EPHX4: variants seen among roughly 807,000 people sequenced by gnomAD.
EPHX4 encodes abhydrolase domain containing 7.
EPHX4 carries 31 observed loss-of-function variants against 44.9 expected under a neutral mutation model. The ratio of observed to expected loss-of-function variants is 0.69; its 90% CI spans 0.52 to 0.93. The LOEUF (loss-of-function observed/expected upper bound fraction) is 0.93, where lower values mean the gene tolerates loss of function less well. EPHX4 is among the 40% of genes least tolerant of loss of function. The pLI is 0.00. For missense variants in EPHX4, 373 were observed against 438.1 expected (o/e 0.85, Z 1.33); for synonymous variants, 151 against 159.7 (o/e 0.95, Z 0.41).
chr1:92,037,343 A>G (rs917179761), intron 2 of EPHX4, among the ~76,000 whole-genome samples: 1 of 152,212 alleles, frequency 6.6e-6, no homozygotes, highest in Non-Finnish European at 1.5e-5. Context: ...TTTCATGTAT[A>G]CAATTAGCTG....
chr1:92,057,201 A>G (rs1647386874), intron 6 of EPHX4, among the ~76,000 whole-genome samples: 1 of 152,070 alleles, frequency 6.6e-6, no homozygotes, highest in Non-Finnish European at 1.5e-5. Flanking sequence ...GCAAAAATTA[A>G]TACAATAAAA....
chr1:92,040,176 A>ATTT (rs10646888), intron 2 of EPHX4, among the ~76,000 whole-genome samples: 24,177 of 111,960 alleles, frequency 0.22, 3,326 homozygotes, highest in Middle Eastern at 0.28. Context: ...TGTTACAATG[A>ATTT]TTTTTTTTTT....
intron 4 of EPHX4, among the ~76,000 whole-genome samples, chr1:92,046,992 A>C (rs996090443): frequency 6.6e-6 from 1 of 152,110 alleles, no homozygotes; most frequent in African/African-American, 2.4e-5. Context: ...CTTTGACATC[A>C]CCCTAATCTC....
intron 6 of EPHX4, among the ~76,000 whole-genome samples, chr1:92,055,621 A>G (rs953389948): frequency 1.3e-5 from 2 of 152,198 alleles, no homozygotes; most frequent in African/African-American, 4.8e-5. Context: ...ATATAGCAAC[A>G]ATGTCTGAAA....
Position 92,052,509 on chromosome 1 carries a change from G to A in EPHX4, c.709-1G>A. The A allele has an allele frequency of 6.3e-7, 1 of 1,592,252 alleles. No individual in the cohort carries two copies. Among genetic ancestry groups the A allele is most frequent in the South Asian group, 1.2e-5 (1 of 85,604 alleles). Reference sequence around the variant, plus strand: ...AATTATTGTTTTCTCACTTAAATTAGGTTTTGAAACATCTGTTTACCAGTC... The same window carrying A: ...AATTATTGTTTTCTCACTTAAATTAAGTTTTGAAACATCTGTTTACCAGTC... On this transcript the variant is annotated splice_acceptor_variant, in intron 5 of 6. Coordinates refer to ENST00000370383, the MANE Select transcript of EPHX4 (RefSeq NM_173567.5). LOFTEE classifies it high-confidence loss of function.
chr1:92,030,483 T>TGTGTGTGTGTGTGTGTGTGTGTGTGTGA lies in EPHX4; in HGVS notation c.231+176_231+177insTGTGTGTGTGTGTGTGTGTGTGTGAGTG, dbSNP rs745435867. Among the ~76,000 whole-genome samples, 175 of 138,680 alleles carry TGTGTGTGTGTGTGTGTGTGTGTGTGTGA rather than the reference T, an allele frequency of 1.3e-3. 4 individuals are homozygous for TGTGTGTGTGTGTGTGTGTGTGTGTGTGA. Among genetic ancestry groups the TGTGTGTGTGTGTGTGTGTGTGTGTGTGA allele is most frequent in the Admixed American group, 3.0e-3 (42 of 13,976 alleles). 91.0% of individuals were successfully genotyped at this position (138,680 alleles called of 152,430 possible). A position where few individuals can be genotyped will look rare whatever the true frequency, so the allele number is the denominator to read the frequency against. Reference sequence around the variant, plus strand: ...GTGTGTGTGTGTGTGTGTGTGTGTGTGTGAGAGAGAGAGAGAGAGAGAGAG... The same window carrying TGTGTGTGTGTGTGTGTGTGTGTGTGTGA: ...GTGTGTGTGTGTGTGTGTGTGTGTGTGTGTGTGTGTGTGTGTGTGTGTGTGTGAGTGAGAGAGAGAGAGAGAGAGAGAG... On this transcript the variant is annotated intron_variant, in intron 1 of 6. Coordinates refer to ENST00000370383, the MANE Select transcript of EPHX4 (RefSeq NM_173567.5).
In EPHX4 at chr1:92,059,536, G is replaced by A. The variant is rs116795701; in HGVS notation, c.858-3519G>A. 3.1e-3 allele frequency among the ~76,000 whole-genome samples: 471 copies of A among 152,260 alleles called. 3 individuals are homozygous for A. The highest frequency in any genetic ancestry group is 0.011 in the African/African-American group (456 of 41,534). On this transcript the variant is annotated intron_variant, in intron 6 of 6. Coordinates refer to ENST00000370383, the MANE Select transcript of EPHX4 (RefSeq NM_173567.5). Reference sequence around the variant, plus strand: ...TAAGGGAAAAAAAGTGAGAATTGGGGAAGGAAGAAATAATAATTCATAGAT... The same window carrying A: ...TAAGGGAAAAAAAGTGAGAATTGGGAAAGGAAGAAATAATAATTCATAGAT...
intron 2 of EPHX4, among the ~76,000 whole-genome samples, chr1:92,038,773 C>T (rs1156797694): frequency 6.6e-6 from 1 of 152,032 alleles, no homozygotes; most frequent in African/African-American, 2.4e-5. Context: ...ACAAAGGAAA[C>T]CATATGAAGA....
At chr1:92,052,134 A>G (rs1253474656) in intron 5 of EPHX4, among the ~76,000 whole-genome samples, 2 of 152,132 alleles carry the variant, frequency 1.3e-5, no homozygotes, top group Non-Finnish European at 2.9e-5. Flanking sequence ...TAATCCCTTT[A>G]GTCAGTGATA....
At chr1:92,062,413 A>G (rs1301251995) in intron 6 of EPHX4, among the ~76,000 whole-genome samples, 1 of 151,806 alleles carries the variant, frequency 6.6e-6, no homozygotes, top group East Asian at 1.9e-4. Context: ...GTGAAACCGC[A>G]TCTCTACTAA....
chr1:92,058,429 G>A (rs376133741), intron 6 of EPHX4, among the ~76,000 whole-genome samples: 5 of 144,054 alleles, frequency 3.5e-5, no homozygotes, highest in Non-Finnish European at 1.5e-5. Flanking sequence ...GAACAAGAGC[G>A]AAACCCCGTC....
chr1:92,031,606 C>G (rs1688360917), intron 1 of EPHX4, among the ~76,000 whole-genome samples: 1 of 152,176 alleles, frequency 6.6e-6, no homozygotes, highest in Non-Finnish European at 1.5e-5. Context: ...TCTTCTGAAT[C>G]TGCAAAATGA....
chr1:92,045,439 G>A, intron 3 of EPHX4, 93 bp from the exon 4 acceptor site: 1 of 1,454,262 alleles, frequency 6.9e-7, no homozygotes, highest in Non-Finnish European at 9.4e-7. Context: ...ATAATGAAAA[G>A]AGGTACTTCA....
intron 2 of EPHX4, among the ~76,000 whole-genome samples, chr1:92,040,659 C>T (rs1216959566): frequency 1.3e-5 from 2 of 151,888 alleles, no homozygotes; most frequent in Middle Eastern, 3.2e-3. Context: ...CAGGGTTTCA[C>T]CATGTTGCCT....
At position 92,063,519 on chromosome 1, in the gene EPHX4, T is replaced by C. The variant is rs529474434; in HGVS notation, c.*233T>C. ...AGACAAGCATCTGCCTTAAAATATATACACTTGTACAAAAAGGAAGTTTGG... is the reference window on the plus strand; with the variant it reads ...AGACAAGCATCTGCCTTAAAATATACACACTTGTACAAAAAGGAAGTTTGG... On this transcript the variant is annotated 3_prime_UTR_variant, in exon 7 of 7. Coordinates refer to ENST00000370383, the MANE Select transcript of EPHX4 (RefSeq NM_173567.5). 24 of 302,018 alleles carry C rather than the reference T, an allele frequency of 7.9e-5. No individual in the cohort carries two copies. In the East Asian group the frequency reaches 1.4e-3, roughly 17 times the overall value. 18.7% of individuals were successfully genotyped at this position (302,018 alleles called of 1,614,324 possible).
intron 5 of EPHX4, among the ~76,000 whole-genome samples, chr1:92,051,059 C>T (rs1647239787): frequency 6.6e-6 from 1 of 152,122 alleles, no homozygotes; most frequent in Non-Finnish European, 1.5e-5. Flanking sequence ...TCTGAAACTC[C>T]TGGCCTCAAG....
chr1:92,039,911 T>G (rs1688486794), intron 2 of EPHX4, among the ~76,000 whole-genome samples: 1 of 152,138 alleles, frequency 6.6e-6, no homozygotes, highest in Admixed American at 6.5e-5. Flanking sequence ...ACTTTGGCCT[T>G]CCAAAGTGCT....
At chr1:92,055,094 T>A (rs895994643) in intron 6 of EPHX4, among the ~76,000 whole-genome samples, 1 of 151,938 alleles carries the variant, frequency 6.6e-6, no homozygotes, top group Admixed American at 6.6e-5. Context: ...AAACTGTCAA[T>A]AAAAAAATTT....
At chr1:92,035,611 T>A (rs1688426480) in intron 2 of EPHX4, among the ~76,000 whole-genome samples, 1 of 152,184 alleles carries the variant, frequency 6.6e-6, no homozygotes, top group African/African-American at 2.4e-5. Flanking sequence ...GGCACTCTCT[T>A]TTTTATTTTT....
Sources: gnomAD v4.1 joint callset for allele counts (sites outside exome capture counted in the v4.1 genomes callset) on GRCh38, gnomAD v4.1.1 for gene constraint, MANE v1.5 for transcripts, NCBI Gene and HGNC (gene_info 2026-07-23, HGNC 2026-07-21) for gene names.